The following GLIS3 variants were observed in gnomAD, a reference collection of about 807,000 sequenced individuals.
GLIS3 encodes zinc finger protein GLIS3.
In GLIS3, 53 loss-of-function variants were observed where a neutral mutation model predicts 78.6. The observed-to-expected ratio is 0.67, with a 90% confidence interval of 0.54 to 0.85. GLIS3 has a LOEUF of 0.85. GLIS3 is among the 40% of genes least tolerant of loss of function. The pLI, the probability that GLIS3 is intolerant of heterozygous loss-of-function variation, is 0.00. For missense variants in GLIS3, 1,703 were observed against 1,231.1 expected (o/e 1.38, Z -5.74); for synonymous variants, 684 against 509.9 (o/e 1.34, Z -4.60).
At chr9:4,384,744 G>T in the GLIS3 span, among the ~76,000 whole-genome samples, 1 of 152,024 alleles carries the variant, frequency 6.6e-6, no homozygotes, top group Non-Finnish European at 1.5e-5. Flanking sequence ...TCACCAGCTG[G>T]TTAATATCCA....
intron 2 of GLIS3, among the ~76,000 whole-genome samples, chr9:4,233,427 A>C (rs1307641270): frequency 6.6e-6 from 1 of 152,228 alleles, no homozygotes; most frequent in African/African-American, 2.4e-5. Flanking sequence ...CTCCTTGTAC[A>C]TCTCCATCAG....
At chr9:4,180,621 T>C (rs1468967040) in intron 2 of GLIS3, among the ~76,000 whole-genome samples, 2 of 152,234 alleles carry the variant, frequency 1.3e-5, no homozygotes, top group Non-Finnish European at 2.9e-5. Context: ...ATTGTGTCCA[T>C]CCTGCTCCAT....
intron 2 of GLIS3, among the ~76,000 whole-genome samples, chr9:4,189,092 G>T (rs941362281): frequency 1.3e-5 from 2 of 151,552 alleles, no homozygotes; most frequent in African/African-American, 4.8e-5. Context: ...TGATGTTAGG[G>T]TGTCAATTTT....
At chr9:3,997,659 G>A (rs937273918) in intron 4 of GLIS3, among the ~76,000 whole-genome samples, 1 of 151,764 alleles carries the variant, frequency 6.6e-6, no homozygotes, top group African/African-American at 2.4e-5. Flanking sequence ...AAAATCATAT[G>A]ACTATCTCTG....
rs369476304 is a variant in GLIS3 at position 4,210,347 on chromosome 9, G to A, written c.388+75691C>T. ...TGCCTCTTGTTATCAGCGAAGTTCA[G>A]CATCCAATTGCCTTTTCTATTTTGT... On this transcript the variant is annotated intron_variant, in intron 2 of 10. Transcript: ENST00000381971. 2.2e-3 allele frequency among the ~76,000 whole-genome samples: 337 copies of A among 152,324 alleles called. 3 individuals are homozygous for A. The highest frequency in any genetic ancestry group is 1.5e-3 in the Non-Finnish European group (103 of 68,030).
intron 4 of GLIS3, among the ~76,000 whole-genome samples, chr9:3,989,789 C>G (rs485649): frequency 1.3e-5 from 2 of 152,024 alleles, no homozygotes; most frequent in South Asian, 4.1e-4. Context: ...ATTAGTGGTG[C>G]TGGAAATGCT....
intron 2 of GLIS3, among the ~76,000 whole-genome samples, chr9:4,136,141 T>G (rs1833390838): frequency 6.6e-6 from 1 of 152,096 alleles, no homozygotes; most frequent in African/African-American, 2.4e-5. Flanking sequence ...CTATGGAAGG[T>G]AAGGAATGCT....
chr9:3,898,784 C>T lies in GLIS3; in HGVS notation c.2035G>A (p.Val679Met), dbSNP rs201556131. The T allele has an allele frequency of 1.9e-5, 30 of 1,614,146 alleles. No individual in the cohort carries two copies. The highest frequency in any genetic ancestry group is 1.7e-4 in the Middle Eastern group (1 of 6,060). The stretch of plus-strand genomic sequence containing the variant: ...GAAGTGGCCGGCTGCAGGGACTGCA[C>T]GGTGAGGCAATCTGTGAGCAGGTCT... ...HPDLLTDCLT[V>M]QSLQPATSPR... Residue 679 changes from valine to methionine, a missense_variant, in exon 7 of 11, where the codon GTG (valine) becomes ATG (methionine). By Grantham distance (21) the Val-to-Met change is conservative. Coordinates refer to ENST00000381971, the MANE Select transcript of GLIS3 (RefSeq NM_001042413.2).
In GLIS3 at chr9:4,205,898, C is replaced by G. The variant is rs186644592; in HGVS notation, c.389-79957G>C. 2.0e-3 allele frequency among the ~76,000 whole-genome samples: 312 copies of G among 152,280 alleles called. 2 individuals are homozygous for G. Among genetic ancestry groups the G allele is most frequent in the African/African-American group, 6.9e-3 (287 of 41,572 alleles). On this transcript the variant is annotated intron_variant, in intron 2 of 10. Coordinates refer to ENST00000381971, the MANE Select transcript of GLIS3 (RefSeq NM_001042413.2). ...TTTAAGAAATATGAATAAAAGAAAACTGTTTAGGCTGCACTCAAAGGATCA... is the reference window on the plus strand; with the variant it reads ...TTTAAGAAATATGAATAAAAGAAAAGTGTTTAGGCTGCACTCAAAGGATCA...
chr9:3,886,795 C>T (rs1442740090), intron 7 of GLIS3, among the ~76,000 whole-genome samples: 1 of 152,152 alleles, frequency 6.6e-6, no homozygotes, highest in Non-Finnish European at 1.5e-5. Flanking sequence ...AGATTTCTAG[C>T]AAGGAAAATG....
At position 3,904,302 on chromosome 9, in the gene GLIS3, A is replaced by T. The variant is rs531573551; in HGVS notation, c.1984-5467T>A. The stretch of plus-strand genomic sequence containing the variant: ...GGCAAGACTCATCCAATCAGTGAAA[A>T]GCCTGAAGAGCAAAAGAAACTAAAG... On this transcript the variant is annotated intron_variant, in intron 6 of 10. Transcript: ENST00000381971. Among the ~76,000 whole-genome samples the T allele has an allele frequency of 3.9e-5, 6 of 152,338 alleles. No individual in the cohort carries two copies. The East Asian group carries it at 9.6e-4, about 24-fold the overall frequency.
At chr9:4,185,997 A>T (rs10120563) in intron 2 of GLIS3, among the ~76,000 whole-genome samples, 128,507 of 151,008 alleles carry the variant, frequency 0.85, 55,218 homozygotes, top group East Asian at 0.99. Context: ...TCTTTTTTTT[A>T]AATTTTATTT....
chr9:4,353,816 A>C, the GLIS3 span, among the ~76,000 whole-genome samples: 1 of 151,974 alleles, frequency 6.6e-6, no homozygotes, highest in South Asian at 2.1e-4. Context: ...GTAGCTGTTG[A>C]TTTGCTTTTG....
chr9:3,837,817 C>A (rs1818446470), intron 9 of GLIS3, among the ~76,000 whole-genome samples: 1 of 152,172 alleles, frequency 6.6e-6, no homozygotes. Flanking sequence ...CCGTATGATG[C>A]TACCATGGTG....
the GLIS3 span, among the ~76,000 whole-genome samples, chr9:4,459,373 G>T: frequency 4.6e-5 from 7 of 152,212 alleles, no homozygotes; most frequent in Non-Finnish European, 7.3e-5. Flanking sequence ...TTTAGGGATT[G>T]GGAATCTGGG....
chr9:4,200,670 C>T (rs1367172834), intron 2 of GLIS3, among the ~76,000 whole-genome samples: 1 of 151,898 alleles, frequency 6.6e-6, no homozygotes, highest in Non-Finnish European at 1.5e-5. Context: ...AAAAAACAAA[C>T]AAAAACAAAC....
At chr9:4,150,554 C>T (rs1378761100) in intron 2 of GLIS3, among the ~76,000 whole-genome samples, 1 of 152,190 alleles carries the variant, frequency 6.6e-6, no homozygotes, top group African/African-American at 2.4e-5. Context: ...ATATCGATTC[C>T]TCTTCCCATC....
intron 4 of GLIS3, among the ~76,000 whole-genome samples, chr9:3,942,196 A>T (rs1815975862): frequency 6.6e-6 from 1 of 152,184 alleles, no homozygotes; most frequent in Admixed American, 6.5e-5. Flanking sequence ...CTAAACCCAA[A>T]CAGAAAGGAG....
intron 2 of GLIS3, among the ~76,000 whole-genome samples, chr9:4,316,026 C>A (rs1409459044): frequency 6.6e-6 from 1 of 152,150 alleles, no homozygotes; most frequent in Non-Finnish European, 1.5e-5. Context: ...ACATATTTAT[C>A]TGGGATGATC....
Sources: gnomAD v4.1 joint callset for allele counts (sites outside exome capture counted in the v4.1 genomes callset) on GRCh38, gnomAD v4.1.1 for gene constraint, MANE v1.5 for transcripts, NCBI Gene and HGNC (gene_info 2026-07-23, HGNC 2026-07-21) for gene names.